Variants in TRABD2B observed in about 807,000 individuals in gnomAD.
The protein encoded by TRABD2B is TraB domain containing 2B.
In TRABD2B, 14 loss-of-function variants were observed where a neutral mutation model predicts 40.1. That is an observed-to-expected ratio of 0.35 (90% CI 0.23 to 0.55). The LOEUF is 0.55. Ranked by LOEUF, TRABD2B falls within the 20% of genes least tolerant of loss-of-function variation. The pLI is 0.90. For synonymous variants in TRABD2B, 263 were observed against 277.0 expected (o/e 0.95, Z 0.50); for missense variants, 541 against 648.6 (o/e 0.83, Z 1.80).
chr1:47,889,995 G>T (rs561018936), intron 2 of TRABD2B, among the ~76,000 whole-genome samples: 2 of 152,314 alleles, frequency 1.3e-5, no homozygotes, highest in African/African-American at 4.8e-5. Context: ...CTACCTGGAT[G>T]GAATGAAGTT....
In TRABD2B at chr1:47,821,462, A is replaced by T. The variant is rs996675617; in HGVS notation, c.667-19843T>A. On this transcript the variant is annotated intron_variant, in intron 2 of 6. Coordinates refer to ENST00000606738, the MANE Select transcript of TRABD2B (RefSeq NM_001194986.2). ...CTACAGGACTTGGCTGTGGGAGCAG[A>T]AATGAATAGCCCCAAATATCAGGAC... Among the ~76,000 whole-genome samples the T allele has an allele frequency of 3.3e-5, 5 of 152,242 alleles. No homozygotes were observed. The East Asian group carries it at 9.6e-4, about 29-fold the overall frequency.
At chr1:47,845,563 G>C (rs1245466605) in intron 2 of TRABD2B, among the ~76,000 whole-genome samples, 3 of 152,142 alleles carry the variant, frequency 2.0e-5, no homozygotes, top group African/African-American at 4.8e-5. Flanking sequence ...TATGAACCAA[G>C]GAAGTCTGAC....
chr1:47,948,523 C>T (rs937375651), intron 2 of TRABD2B, among the ~76,000 whole-genome samples: 4 of 152,090 alleles, frequency 2.6e-5, no homozygotes, highest in African/African-American at 9.7e-5. Flanking sequence ...ATTTAAACCT[C>T]GAATGTCTAG....
In TRABD2B at chr1:47,765,875, T is replaced by C. The variant is rs981462535; in HGVS notation, c.*27A>G. ...GCCGAAGACCCCTGTGTCATTTCTC[T>C]GGCTTCTCCACTTGGGGTGGCCGAG... On this transcript the variant is annotated 3_prime_UTR_variant, in exon 7 of 7. Transcript: ENST00000606738. 4 of 702,922 alleles carry C rather than the reference T, an allele frequency of 5.7e-6. No homozygotes were observed. The highest frequency in any genetic ancestry group is 4.0e-5 in the Admixed American group (2 of 50,012). The allele number at this position is 702,922 out of a possible 1,614,324, so 43.5% of individuals were successfully genotyped here. A position where few individuals can be genotyped will look rare whatever the true frequency, so the allele number is the denominator to read the frequency against.
intron 6 of TRABD2B, among the ~76,000 whole-genome samples, chr1:47,769,183 T>TA (rs11398500): frequency 0.52 from 78,849 of 150,760 alleles, 20,963 homozygotes; most frequent in East Asian, 0.89. Flanking sequence ...AAAACAAAAA[T>TA]AAAAAAAAAG....
chr1:47,832,349 C>T (rs184803224), intron 2 of TRABD2B, among the ~76,000 whole-genome samples: 14 of 151,942 alleles, frequency 9.2e-5, no homozygotes, highest in Non-Finnish European at 5.9e-5. Flanking sequence ...AAAAAGAGGT[C>T]AGACGTGGGT....
intron 2 of TRABD2B, among the ~76,000 whole-genome samples, chr1:47,920,874 C>T (rs1204627401): frequency 6.6e-6 from 1 of 152,136 alleles, no homozygotes; most frequent in Non-Finnish European, 1.5e-5. Flanking sequence ...TATGAATGGC[C>T]TGGCAAGGGG....
chr1:47,973,724 C>T (rs569674049), intron 2 of TRABD2B, among the ~76,000 whole-genome samples: 32 of 152,316 alleles, frequency 2.1e-4, no homozygotes, highest in African/African-American at 7.5e-4. Flanking sequence ...ATTCTAATAG[C>T]GTCCATGCTG....
intron 2 of TRABD2B, among the ~76,000 whole-genome samples, chr1:47,959,427 G>A (rs1297657706): frequency 1.3e-5 from 2 of 152,068 alleles, no homozygotes; most frequent in Admixed American, 1.3e-4. Context: ...TCCAGGGGCT[G>A]GTTTTTTGAA....
intron 2 of TRABD2B, among the ~76,000 whole-genome samples, chr1:47,936,905 GATC>G (rs1645114466): frequency 8.4e-6 from 1 of 119,394 alleles, no homozygotes; most frequent in East Asian, 2.6e-4. Flanking sequence ...TCACCATCAT[GATC>G]ATCACCATCA....
chr1:47,953,207 C>T lies in TRABD2B; in HGVS notation c.666+40827G>A, dbSNP rs528953491. On this transcript the variant is annotated intron_variant, in intron 2 of 6. Coordinates refer to ENST00000606738, the MANE Select transcript of TRABD2B (RefSeq NM_001194986.2). The stretch of plus-strand genomic sequence containing the variant: ...CAGGCATGCAGGTACTGCACTTGTC[C>T]CAGTGCAGATGATGCACAGAGGGGT... Among the ~76,000 whole-genome samples the T allele has an allele frequency of 5.9e-5, 9 of 152,276 alleles. No homozygotes were observed. The East Asian group carries it at 1.5e-3, about 26-fold the overall frequency.
chr1:47,820,822 A>ACACACAC (rs1491170329), intron 2 of TRABD2B, among the ~76,000 whole-genome samples: 2 of 143,818 alleles, frequency 1.4e-5, no homozygotes, highest in Admixed American at 6.9e-5. Flanking sequence ...ACACACACAC[A>ACACACAC]AAATCTTACT....
chr1:47,941,439 T>A (rs12749378), intron 2 of TRABD2B, among the ~76,000 whole-genome samples: 17,173 of 152,234 alleles, frequency 0.11, 1,278 homozygotes, highest in Non-Finnish European at 0.17. Context: ...TACACATACT[T>A]GCACACACAA....
chr1:47,932,319 G>A (rs747226410), intron 2 of TRABD2B, among the ~76,000 whole-genome samples: 1 of 152,160 alleles, frequency 6.6e-6, no homozygotes, highest in African/African-American at 2.4e-5. Context: ...CCAAGGAGAG[G>A]ACCAAATGGC....
intron 2 of TRABD2B, among the ~76,000 whole-genome samples, chr1:47,937,669 A>G (rs911609548): frequency 6.6e-6 from 1 of 151,518 alleles, no homozygotes; most frequent in Non-Finnish European, 1.5e-5. Flanking sequence ...TTCCTGTCAC[A>G]GGTAAGAGAC....
At chr1:47,785,914 G>C (rs527387523) in intron 4 of TRABD2B, among the ~76,000 whole-genome samples, 1 of 152,300 alleles carries the variant, frequency 6.6e-6, no homozygotes, top group Non-Finnish European at 1.5e-5. Context: ...TGGCTCTTGG[G>C]GTTTTGCCAC....
At chr1:47,925,549 T>A (rs1357784545) in intron 2 of TRABD2B, among the ~76,000 whole-genome samples, 2 of 152,242 alleles carry the variant, frequency 1.3e-5, no homozygotes, top group African/African-American at 2.4e-5. Flanking sequence ...TTTCATTTAA[T>A]CCTCACTAAG....
At chr1:47,846,624 C>CAT (rs887661435) in intron 2 of TRABD2B, among the ~76,000 whole-genome samples, 5 of 152,100 alleles carry the variant, frequency 3.3e-5, no homozygotes, top group African/African-American at 1.2e-4. Flanking sequence ...GAAGGCAAGG[C>CAT]ATCTGGTCAA....
At chr1:47,850,846 C>T (rs889856183) in intron 2 of TRABD2B, among the ~76,000 whole-genome samples, 2 of 152,190 alleles carry the variant, frequency 1.3e-5, no homozygotes, top group Non-Finnish European at 2.9e-5. Context: ...TCCACAGACT[C>T]GGGGGTTGGG....
Sources: gnomAD v4.1 joint callset for allele counts (sites outside exome capture counted in the v4.1 genomes callset) on GRCh38, gnomAD v4.1.1 for gene constraint, MANE v1.5 for transcripts, NCBI Gene and HGNC (gene_info 2026-07-23, HGNC 2026-07-21) for gene names.